Variants in SYT10 observed in about 807,000 individuals in gnomAD.
The protein encoded by SYT10 is synaptotagmin 10, also known as synaptotagmin-10.
SYT10 carries 31 observed loss-of-function variants against 51.1 expected under a neutral mutation model. That is an observed-to-expected ratio of 0.61 (90% CI 0.46 to 0.82). The LOEUF is 0.82. Among genes scored for constraint, SYT10 ranks in the 40% least tolerant of loss-of-function variants. The pLI is 0.00. For synonymous variants in SYT10, 233 were observed against 225.9 expected (o/e 1.03, Z -0.28); for missense variants, 603 against 634.0 (o/e 0.95, Z 0.53).
intron 2 of SYT10, among the ~76,000 whole-genome samples, chr12:33,425,617 A>C (rs10772081): frequency 0.13 from 20,286 of 152,174 alleles, 1,577 homozygotes; most frequent in African/African-American, 0.19. Flanking sequence ...CTCAAACACA[A>C]AATGAAGTTT....
chr12:33,382,538 A>C lies in SYT10; in HGVS notation c.1199-18T>G, dbSNP rs775345021. 1 of 1,564,830 alleles carries C rather than the reference A, an allele frequency of 6.4e-7. No individual in the cohort carries two copies. Among genetic ancestry groups the C allele is most frequent in the Non-Finnish European group, 8.6e-7 (1 of 1,162,476 alleles). ...ATAAGGATCTAGGAATAAGAAGATA[A>C]CTTTATTAAAATAAAAGTAATAGTA... On this transcript the variant is annotated intron_variant, in intron 4 of 6. Coordinates refer to ENST00000228567, the MANE Select transcript of SYT10 (RefSeq NM_198992.4).
rs117458367 is a variant in SYT10 at position 33,419,557 on chromosome 12, A to G, written c.509+6581T>C. On this transcript the variant is annotated intron_variant, in intron 2 of 6. Coordinates refer to ENST00000228567, the MANE Select transcript of SYT10 (RefSeq NM_198992.4). ...TTGGTTCTTTAATAAATTTAATGAAATAAATGTTCAGTTATTCTGAACTTA... is the reference window on the plus strand; with the variant it reads ...TTGGTTCTTTAATAAATTTAATGAAGTAAATGTTCAGTTATTCTGAACTTA... 1.1e-4 allele frequency among the ~76,000 whole-genome samples: 16 copies of G among 152,340 alleles called. No individual in the cohort carries two copies. In the East Asian group the frequency reaches 3.1e-3, roughly 29 times the overall value.
At position 33,375,777 on chromosome 12, in the gene SYT10, G is replaced by C. The variant is rs537704685; in HGVS notation, c.*1053C>G. On this transcript the variant is annotated 3_prime_UTR_variant, in exon 7 of 7. Transcript: ENST00000228567. ...TGAAAATAAATCATCCTTTCTTTAA[G>C]AAAATACTGAATTCCAATGATGAGC... The C allele has an allele frequency of 6.6e-6, 1 of 152,548 alleles. No individual in the cohort carries two copies. The highest frequency in any genetic ancestry group is 2.1e-4 in the South Asian group (1 of 4,826). The allele number at this position is 152,548 out of a possible 1,614,324, so 9.4% of individuals were successfully genotyped here. A position where few individuals can be genotyped will look rare whatever the true frequency, so the allele number is the denominator to read the frequency against.
At chr12:33,409,299 C>T (rs563591262) in intron 2 of SYT10, among the ~76,000 whole-genome samples, 2 of 152,102 alleles carry the variant, frequency 1.3e-5, no homozygotes, top group South Asian at 4.2e-4. Context: ...TTACTGCAAC[C>T]TCAACCTCCC....
chr12:33,417,234 T>C (rs1866462130), intron 2 of SYT10, among the ~76,000 whole-genome samples: 1 of 152,162 alleles, frequency 6.6e-6, no homozygotes, highest in South Asian at 2.1e-4. Flanking sequence ...ATAAGGGCTC[T>C]GCCTCATGAA....
chr12:33,412,871 C>T (rs1310923725), intron 2 of SYT10, among the ~76,000 whole-genome samples: 8 of 151,986 alleles, frequency 5.3e-5, no homozygotes, highest in Non-Finnish European at 8.8e-5. Flanking sequence ...AGGCTTCAGA[C>T]GATCAAACTT....
chr12:33,434,319 A>C (rs11052704), intron 1 of SYT10, among the ~76,000 whole-genome samples: 1 of 152,298 alleles, frequency 6.6e-6, no homozygotes, highest in East Asian at 1.9e-4. Flanking sequence ...AATTTCTGCT[A>C]TTATCATAAA....
intron 3 of SYT10, among the ~76,000 whole-genome samples, chr12:33,398,077 C>G (rs1276745596): frequency 6.6e-6 from 1 of 151,896 alleles, no homozygotes; most frequent in Non-Finnish European, 1.5e-5. Flanking sequence ...GAGGGTGATA[C>G]CCAGAGTGGA....
intron 3 of SYT10, among the ~76,000 whole-genome samples, chr12:33,403,425 T>C (rs1365580651): frequency 6.6e-6 from 1 of 151,982 alleles, no homozygotes; most frequent in Non-Finnish European, 1.5e-5. Context: ...GAGACGGGGC[T>C]TCACTCACCA....
chr12:33,381,476 G>A (rs1866115094), intron 5 of SYT10, among the ~76,000 whole-genome samples: 1 of 152,118 alleles, frequency 6.6e-6, no homozygotes, highest in African/African-American at 2.4e-5. Flanking sequence ...CATTTCCAAA[G>A]ATTTTATAAA....
At chr12:33,395,160 A>C (rs888260676) in intron 3 of SYT10, among the ~76,000 whole-genome samples, 3 of 152,144 alleles carry the variant, frequency 2.0e-5, no homozygotes, top group Non-Finnish European at 4.4e-5. Flanking sequence ...GAAAAACAAA[A>C]TTGTTTTTGT....
At chr12:33,394,144 C>T (rs192100372) in intron 3 of SYT10, among the ~76,000 whole-genome samples, 2 of 152,256 alleles carry the variant, frequency 1.3e-5, no homozygotes, top group Non-Finnish European at 2.9e-5. Flanking sequence ...CTTCCGTAGA[C>T]TGGTATTTGA....
rs776540776 is a variant in SYT10, at chr12:33,379,889, C to A, written c.1443G>T (p.Trp481Cys). The A allele has an allele frequency of 1.1e-5, 18 of 1,613,854 alleles. No homozygotes were observed. The highest frequency in any genetic ancestry group is 1.5e-5 in the Non-Finnish European group (18 of 1,179,940). The change falls in exon 6 of 7, where the codon TGG (tryptophan) becomes TGT (cysteine). Residue 481 changes from tryptophan to cysteine, a missense_variant. By Grantham distance (215) the Trp-to-Cys change is radical. Coordinates refer to ENST00000228567, the MANE Select transcript of SYT10 (RefSeq NM_198992.4). Reference sequence around the variant, plus strand: ...TTCGATGATAGGCCAGCATTTCATTCCAGTGGTCTCGCCCAAGACCCTCAG... The same window carrying A: ...TTCGATGATAGGCCAGCATTTCATTACAGTGGTCTCGCCCAAGACCCTCAG... ...LDAEGLGRDH[W>C]NEMLAYHRKP...
intron 2 of SYT10, among the ~76,000 whole-genome samples, chr12:33,412,213 T>C (rs556061703): frequency 7.3e-6 from 1 of 137,836 alleles, no homozygotes; most frequent in South Asian, 2.5e-4. Context: ...ACTCTGATTA[T>C]ATTTTTGCAG....
At chr12:33,385,398 G>T in intron 3 of SYT10, 107 bp from the exon 4 acceptor site, 1 of 1,422,714 alleles carries the variant, frequency 7.0e-7, no homozygotes, top group Non-Finnish European at 9.4e-7. Context: ...GTTTTATTGA[G>T]GATAATACAG....
Position 33,382,397 on chromosome 12 carries a change from TC to T in SYT10, c.1321del (p.Glu441ArgfsTer18). On this transcript the variant is annotated frameshift_variant, in exon 5 of 7. Transcript: ENST00000228567. LOFTEE classifies it high-confidence loss of function. The part of the protein sequence containing the change: ...NEAIIFDIPP[E>X]NVDQVSLSIA... Reference sequence around the variant, plus strand: ...GGAGAGGCTGACCTGGTCCACGTTCTCTGGAGGGATGTCAAAAATAATGGCC... The same window carrying T: ...GGAGAGGCTGACCTGGTCCACGTTCTTGGAGGGATGTCAAAAATAATGGCC... 2 of 1,613,028 alleles carry T rather than the reference TC, an allele frequency of 1.2e-6. No individual in the cohort carries two copies. Among genetic ancestry groups the T allele is most frequent in the Non-Finnish European group, 1.7e-6 (2 of 1,179,440 alleles).
chr12:33,410,673 C>T (rs1359656442), intron 2 of SYT10, among the ~76,000 whole-genome samples: 2 of 152,036 alleles, frequency 1.3e-5, no homozygotes, highest in Non-Finnish European at 2.9e-5. Flanking sequence ...GAATGAGAAG[C>T]TTTAGTGTGC....
At chr12:33,408,248 G>T (rs1591990654) in intron 2 of SYT10, 1 of 151,886 alleles carries the variant, frequency 6.6e-6, no homozygotes, top group East Asian at 1.9e-4. Flanking sequence ...CTTTTAAAAA[G>T]AATATATAGT....
rs1258393588 is a variant in SYT10, at chr12:33,399,651, A to G, written c.1077+7138T>C. Among the ~76,000 whole-genome samples the G allele has an allele frequency of 2.6e-5, 4 of 152,316 alleles. No homozygotes were observed. In the South Asian group the frequency reaches 6.2e-4, roughly 24 times the overall value. On this transcript the variant is annotated intron_variant, in intron 3 of 6. Coordinates refer to ENST00000228567, the MANE Select transcript of SYT10 (RefSeq NM_198992.4). Reference sequence around the variant, plus strand: ...TTCATGAGACAAAGCTCCTTTAAGTAGGCTGGCTGAGTTAGGCAGATGTTA... The same window carrying G: ...TTCATGAGACAAAGCTCCTTTAAGTGGGCTGGCTGAGTTAGGCAGATGTTA...
Sources: gnomAD v4.1 joint callset for allele counts (sites outside exome capture counted in the v4.1 genomes callset) on GRCh38, gnomAD v4.1.1 for gene constraint, MANE v1.5 for transcripts, NCBI Gene and HGNC (gene_info 2026-07-23, HGNC 2026-07-21) for gene names.